ZBTB4: variants seen among roughly 807,000 people sequenced by gnomAD.
ZBTB4 encodes zinc finger and BTB domain-containing protein 4.
Under a neutral mutation model 59.8 loss-of-function variants are expected in ZBTB4, and 14 were observed. The observed-to-expected ratio is 0.23, with a 90% CI of 0.15 to 0.37. The LOEUF (loss-of-function observed/expected upper bound fraction) is 0.37, where lower values mean the gene tolerates loss of function less well. ZBTB4 is among the 10% of genes least tolerant of loss of function. The probability of loss-of-function intolerance (pLI) is 1.00; values close to 1 mark genes in which losing one functional copy is unlikely to be tolerated. For missense variants in ZBTB4, 1,198 were observed against 1,380.8 expected (o/e 0.87, Z 2.10); for synonymous variants, 587 against 575.2 (o/e 1.02, Z -0.29).
intron 1 of ZBTB4, among the ~76,000 whole-genome samples, chr17:7,471,182 GAA>G (rs879299220): frequency 1.2e-4 from 16 of 136,818 alleles, no homozygotes; most frequent in African/African-American, 1.6e-4. Context: ...TGCCATTTAT[GAA>G]AAAAATTTTT....
chr17:7,474,381 C>T (rs1177990594), intron 1 of ZBTB4, among the ~76,000 whole-genome samples: 16 of 151,710 alleles, frequency 1.1e-4, no homozygotes, highest in Admixed American at 9.2e-4. Context: ...CCACGCCCAG[C>T]GAATTTTTTG....
In ZBTB4 at chr17:7,466,150, C is replaced by T. The variant is rs759112622; in HGVS notation, c.652G>A (p.Ala218Thr). ...TGCAAGTCAGGGGCCTGGGCCTCAG[C>T]CCTGTCACCCTCCCACTCCCCAGCT... ...RPAGEWEGDR[A>T]EAQAPDLQCS... is the part of the protein sequence containing the mutation. The change falls in exon 3 of 4, where the codon GCT becomes ACT. Residue 218 changes from alanine to threonine, a missense_variant. Ala to Thr is a moderately conservative substitution (Grantham distance 58). Around this residue, in one of 9 missense-constraint regions of ZBTB4, gnomAD observed 204 missense variants for 205.5 expected, o/e 0.99. Transcript: ENST00000380599. The surrounding 1 kb of genome is among the most constrained non-coding windows in gnomAD (Gnocchi z 9.1). 6.2e-7 allele frequency: 1 copy of T among 1,612,640 alleles called. No individual in the cohort carries two copies. Among genetic ancestry groups the T allele is most frequent in the South Asian group, 1.1e-5 (1 of 91,040 alleles).
In ZBTB4 at chr17:7,461,881, T is replaced by C; in HGVS notation, c.*59A>G. On this transcript the variant is annotated 3_prime_UTR_variant, in exon 4 of 4. Coordinates refer to ENST00000380599, the MANE Select transcript of ZBTB4 (RefSeq NM_001128833.2). The stretch of plus-strand genomic sequence containing the variant: ...AGGGGCAGGGAGGCCAGGGAGCTGG[T>C]AGTGGTGGGGGGTTCAGGGAGGGTG... 2 of 1,429,056 alleles carry C rather than the reference T, an allele frequency of 1.4e-6. No individual in the cohort carries two copies. The highest frequency in any genetic ancestry group is 2.9e-5 in the African/African-American group (2 of 69,666). The allele number at this position is 1,429,056 out of a possible 1,614,324, so 88.5% of individuals were successfully genotyped here.
chr17:7,482,767 C>CCTCG, upstream of ZBTB4: 1 of 1,612,072 alleles, frequency 6.2e-7, no homozygotes, highest in African/African-American at 1.3e-5. Context: ...CAGTGGGGAT[C>CCTCG]CTCGCCTTGG....
intron 1 of ZBTB4, among the ~76,000 whole-genome samples, chr17:7,476,986 G>T (rs7210292): frequency 0.19 from 29,349 of 152,212 alleles, 2,995 homozygotes; most frequent in South Asian, 0.28. Flanking sequence ...CTAGCTAAGT[G>T]ACTTGGGGCA....
chr17:7,479,222 C>G (rs1457565793), intron 1 of ZBTB4, among the ~76,000 whole-genome samples: 1 of 152,170 alleles, frequency 6.6e-6, no homozygotes, highest in Admixed American at 6.5e-5. Context: ...GTCCCACGGC[C>G]GCCCCTCGCT....
intron 1 of ZBTB4, among the ~76,000 whole-genome samples, chr17:7,468,875 A>C (rs1018363553): frequency 6.6e-6 from 1 of 152,208 alleles, no homozygotes; most frequent in Non-Finnish European, 1.5e-5. Context: ...GGAAGAAGGA[A>C]GATGGTAAAC....
chr17:7,473,868 C>G (rs917342778), intron 1 of ZBTB4, among the ~76,000 whole-genome samples: 2 of 151,962 alleles, frequency 1.3e-5, no homozygotes, highest in African/African-American at 2.4e-5. Context: ...TTATTTATCT[C>G]TGGAATGTAA....
intron 1 of ZBTB4, among the ~76,000 whole-genome samples, chr17:7,476,827 G>A (rs1383096001): frequency 2.6e-5 from 4 of 152,216 alleles, no homozygotes; most frequent in African/African-American, 9.7e-5. Context: ...CAAATGCTAA[G>A]TTCTGCAGCA....
At chr17:7,480,202 T>G (rs1441698936), upstream of ZBTB4, among the ~76,000 whole-genome samples, 2 of 152,198 alleles carry the variant, frequency 1.3e-5, no homozygotes, top group Non-Finnish European at 1.5e-5. Flanking sequence ...CTGGGTACTT[T>G]GTCCCCACCA....
At chr17:7,482,472 T>G, upstream of ZBTB4, 15 of 1,614,000 alleles carry the variant, frequency 9.3e-6, no homozygotes, top group Non-Finnish European at 1.3e-5. Context: ...TGTGGACTGT[T>G]GGGCAGCATC....
At chr17:7,472,226 T>C (rs1478161482) in intron 1 of ZBTB4, among the ~76,000 whole-genome samples, 1 of 152,086 alleles carries the variant, frequency 6.6e-6, no homozygotes, top group Non-Finnish European at 1.5e-5. Context: ...AGTCCAGCTC[T>C]GTCGCCCAGG....
At chr17:7,471,924 T>G (rs979794882) in intron 1 of ZBTB4, among the ~76,000 whole-genome samples, 2 of 152,158 alleles carry the variant, frequency 1.3e-5, no homozygotes, top group Non-Finnish European at 2.9e-5. Flanking sequence ...TTCTTACCAT[T>G]TCTCTACTCT....
rs769443341 is a variant in ZBTB4, at chr17:7,462,323, C to A, written c.2659G>T (p.Gly887Cys). Residue 887 changes from glycine to cysteine, a missense_variant, in exon 4 of 4, where the codon GGC becomes TGC. Physicochemically the swap from Gly to Cys is radical, Grantham distance 159 (BLOSUM62 -3). Coordinates refer to ENST00000380599, the MANE Select transcript of ZBTB4 (RefSeq NM_001128833.2). The surrounding 1 kb of genome is among the most constrained non-coding windows in gnomAD (Gnocchi z 7.5). ...CTCCCAGATTTTCCCCTGCCACCGCCAGGTTCCCGGCCGCCCCCAATCAAG... is the reference window on the plus strand; with the variant it reads ...CTCCCAGATTTTCCCCTGCCACCGCAAGGTTCCCGGCCGCCCCCAATCAAG... ...LALIGGGREP[G>C]GGRGKSGSEG... The A allele has an allele frequency of 1.9e-6, 3 of 1,613,926 alleles. No homozygotes were observed. In the South Asian group the frequency reaches 3.3e-5, roughly 18 times the overall value.
upstream of ZBTB4, among the ~76,000 whole-genome samples, chr17:7,480,446 G>A: frequency 6.6e-6 from 1 of 152,170 alleles, no homozygotes; most frequent in East Asian, 1.9e-4. Context: ...GAGGCTGGGC[G>A]CGGTGGCTCA....
chr17:7,481,264 A>T, upstream of ZBTB4: 1 of 346,670 alleles, frequency 2.9e-6, no homozygotes, highest in Non-Finnish European at 4.9e-6. Context: ...TGGGAGGTGG[A>T]GGTTGCAGTG....
rs1455539004 is a variant in ZBTB4, at chr17:7,465,740, C to T, written c.1062G>A (p.Lys354=). Reference sequence around the variant, plus strand: ...GCTCCCCCGTGTGCCACACTTCATGCTTCGTGCGGTACTCCGCCAGAGCAA... The same window carrying T: ...GCTCCCCCGTGTGCCACACTTCATGTTTCGTGCGGTACTCCGCCAGAGCAA... The part of the protein sequence containing the change: ...KVFALAEYRT[K]HEVWHTGERR... The change falls in exon 3 of 4, where the codon AAG becomes AAA. Residue 354 remains lysine (K), a synonymous_variant. Transcript: ENST00000380599. 1 of 1,611,500 alleles carries T rather than the reference C, an allele frequency of 6.2e-7. No individual in the cohort carries two copies. Among genetic ancestry groups the T allele is most frequent in the Non-Finnish European group, 8.5e-7 (1 of 1,178,392 alleles).
At chr17:7,481,661 T>C, upstream of ZBTB4, 2 of 672,826 alleles carry the variant, frequency 3.0e-6, no homozygotes, top group Non-Finnish European at 4.9e-6. Context: ...CTCTGGAACC[T>C]GTGGCATCAT....
intron 1 of ZBTB4, among the ~76,000 whole-genome samples, chr17:7,474,827 C>T (rs907429917): frequency 6.6e-6 from 1 of 151,504 alleles, no homozygotes; most frequent in Non-Finnish European, 1.5e-5. Flanking sequence ...GCCTGGCCAA[C>T]ATGATGAAAC....
Sources: allele counts gnomAD v4.1 joint callset (sites outside exome capture counted in the v4.1 genomes callset), GRCh38; gene constraint gnomAD v4.1.1; regional missense constraint gnomAD v4.1.1; non-coding constraint Gnocchi (gnomAD v3.1); transcripts MANE v1.5; gene names NCBI Gene and HGNC (gene_info 2026-07-23, HGNC 2026-07-21).